Variants in SNX27 observed in about 807,000 individuals in gnomAD.
SNX27 encodes the protein sorting nexin 27.
SNX27 carries 22 observed loss-of-function variants against 71.6 expected under a neutral mutation model. That is an observed-to-expected ratio of 0.31 (90% CI 0.22 to 0.44). The LOEUF (loss-of-function observed/expected upper bound fraction) is 0.44. Among genes scored for constraint, SNX27 ranks in the 20% least tolerant of loss-of-function variants. The probability of loss-of-function intolerance (pLI) is 1.00; values close to 1 mark genes in which losing one functional copy is unlikely to be tolerated. For synonymous variants in SNX27, 269 were observed against 277.2 expected (o/e 0.97, Z 0.29); for missense variants, 531 against 698.6 (o/e 0.76, Z 2.70).
chr1:151,649,002 G>T (rs962168229), intron 2 of SNX27, among the ~76,000 whole-genome samples: 4 of 150,824 alleles, frequency 2.7e-5, no homozygotes, highest in Non-Finnish European at 4.4e-5. Flanking sequence ...TTGCTCTGTT[G>T]CCCAGGCTGG....
chr1:151,641,610 T>G (rs1313266779), intron 2 of SNX27, among the ~76,000 whole-genome samples: 2 of 125,938 alleles, frequency 1.6e-5, no homozygotes, highest in Non-Finnish European at 3.1e-5. Flanking sequence ...TATATATATA[T>G]ATATATATAT....
At chr1:151,674,259 T>C (rs1670567701) in intron 7 of SNX27, among the ~76,000 whole-genome samples, 1 of 152,210 alleles carries the variant, frequency 6.6e-6, no homozygotes. Context: ...TACTCTCTTG[T>C]AATCTGTTAT....
At chr1:151,693,657 T>C (rs1671567102) in intron 11 of SNX27, 174 bp downstream of exon 11, 2 of 1,612,976 alleles carry the variant, frequency 1.2e-6, no homozygotes, top group East Asian at 2.2e-5. Context: ...GGTTGGCCTC[T>C]GGATGGTGAA....
Position 151,683,409 on chromosome 1 carries a change from A to C in SNX27, c.1203A>C (p.Gln401His), listed in dbSNP as rs1671055446. 1 of 1,613,856 alleles carries C rather than the reference A, an allele frequency of 6.2e-7. No homozygotes were observed. The highest frequency in any genetic ancestry group is 1.1e-5 in the South Asian group (1 of 91,044). The change falls in exon 8 of 12, where the codon CAA (glutamine) becomes CAC (histidine). Residue 401 changes from glutamine to histidine, a missense_variant. Physicochemically the swap from Gln to His is conservative, Grantham distance 24. Coordinates refer to ENST00000458013, the MANE Select transcript of SNX27 (RefSeq NM_001330723.2). ...GYIKAEEKSY[Q>H]LQKLYEQRKM... The stretch of plus-strand genomic sequence containing the variant: ...TCAAAGCAGAAGAAAAGTCCTATCA[A>C]TTACAGAAGCTATACGAACAAAGAA...
chr1:151,650,609 T>G (rs1026055560), intron 2 of SNX27, among the ~76,000 whole-genome samples: 1 of 152,248 alleles, frequency 6.6e-6, no homozygotes, highest in Admixed American at 6.5e-5. Flanking sequence ...TTTTTAAAAT[T>G]TATTTATTTT....
intron 7 of SNX27, among the ~76,000 whole-genome samples, chr1:151,669,537 G>A (rs1256049851): frequency 6.6e-6 from 1 of 152,146 alleles, no homozygotes; most frequent in East Asian, 1.9e-4. Flanking sequence ...ACTTTCTGAA[G>A]AAATCTCCTG....
At chr1:151,689,653 T>C (rs879915693) in intron 8 of SNX27, among the ~76,000 whole-genome samples, 10 of 152,204 alleles carry the variant, frequency 6.6e-5, no homozygotes, top group Admixed American at 1.3e-4. Context: ...TTAAAGGACA[T>C]GAGTAGTACT....
chr1:151,612,174 G>A lies in SNX27; in HGVS notation c.-28G>A. 1 of 1,325,282 alleles carries A rather than the reference G, an allele frequency of 7.5e-7. No individual in the cohort carries two copies. 82.1% of individuals were successfully genotyped at this position (1,325,282 alleles called of 1,614,324 possible). A position where few individuals can be genotyped will look rare whatever the true frequency, so the allele number is the denominator to read the frequency against. On this transcript the variant is annotated 5_prime_UTR_variant, in exon 1 of 12. Coordinates refer to ENST00000458013, the MANE Select transcript of SNX27 (RefSeq NM_001330723.2). This position sits in a 1 kb window ranked among gnomAD's most constrained non-coding sequence, Gnocchi z 5.2. The stretch of plus-strand genomic sequence containing the variant: ...CCGGGAGGCCTTGGAGGCGTAGGGG[G>A]CGGGGGTACGGCTCGCCTGCTCGCA...
rs931920730 is a variant in SNX27 at position 151,694,128 on chromosome 1, A to G, written c.1579-242A>G. 72 of 1,282,184 alleles carry G rather than the reference A, an allele frequency of 5.6e-5. No homozygotes were observed. In the East Asian group the frequency reaches 1.9e-3, roughly 34 times the overall value. The allele number at this position is 1,282,184 out of a possible 1,614,324, so 79.4% of individuals were successfully genotyped here. The stretch of plus-strand genomic sequence containing the variant: ...TTTCCCTCTGTGTAATTTTGGGTAA[A>G]TCAGCCTCCCTAGCTTTCAGTTTTC... On this transcript the variant is annotated intron_variant, in intron 11 of 11. Coordinates refer to ENST00000458013, the MANE Select transcript of SNX27 (RefSeq NM_001330723.2).
At position 151,632,912 on chromosome 1, in the gene SNX27, C is replaced by T. The variant is rs983898350; in HGVS notation, c.312-5976C>T. Among the ~76,000 whole-genome samples the T allele has an allele frequency of 2.6e-5, 4 of 151,950 alleles. No homozygotes were observed. The East Asian group carries it at 7.7e-4, about 29-fold the overall frequency. The stretch of plus-strand genomic sequence containing the variant: ...TTTGAGACGGAGTCTGGCTCTGTCG[C>T]CCAGGCTGGAGTGCAGTGGCACAAT... On this transcript the variant is annotated intron_variant, in intron 1 of 11. Coordinates refer to ENST00000458013, the MANE Select transcript of SNX27 (RefSeq NM_001330723.2).
chr1:151,619,954 A>G (rs1253985004), intron 1 of SNX27, among the ~76,000 whole-genome samples: 2 of 152,184 alleles, frequency 1.3e-5, no homozygotes, highest in Non-Finnish European at 2.9e-5. Flanking sequence ...AGCACAATCG[A>G]AGTATAGAGG....
chr1:151,618,073 C>T (rs535391203), intron 1 of SNX27, among the ~76,000 whole-genome samples: 1 of 150,838 alleles, frequency 6.6e-6, no homozygotes, highest in Admixed American at 6.6e-5. Flanking sequence ...GCCATGTTGC[C>T]CAGTGTGGTC....
intron 1 of SNX27, among the ~76,000 whole-genome samples, chr1:151,635,716 C>G (rs1408548523): frequency 6.6e-6 from 1 of 152,072 alleles, no homozygotes; most frequent in Non-Finnish European, 1.5e-5. Flanking sequence ...TATAGCATTC[C>G]TTCTATAGTT....
chr1:151,627,504 C>T (rs1191318536), intron 1 of SNX27, among the ~76,000 whole-genome samples: 6 of 152,160 alleles, frequency 3.9e-5, no homozygotes, highest in Non-Finnish European at 8.8e-5. Context: ...GTTAGGTTCT[C>T]TTGTCACAGT....
At chr1:151,670,673 T>C (rs866388146) in intron 7 of SNX27, among the ~76,000 whole-genome samples, 9 of 152,334 alleles carry the variant, frequency 5.9e-5, no homozygotes, top group African/African-American at 2.2e-4. Flanking sequence ...CCTTATATAT[T>C]CTGATTATTA....
intron 1 of SNX27, among the ~76,000 whole-genome samples, chr1:151,620,463 G>A (rs1260489934): frequency 2.0e-5 from 3 of 152,170 alleles, no homozygotes; most frequent in Non-Finnish European, 4.4e-5. Context: ...ACTAAGCTCT[G>A]ACACCCAGAA....
chr1:151,683,558 A>T (rs1671062931), intron 8 of SNX27, 113 bp downstream of exon 8: 1 of 703,336 alleles, frequency 1.4e-6, no homozygotes, highest in Non-Finnish European at 2.3e-6. Flanking sequence ...AACTAATTTT[A>T]AAAAAGGAGG....
chr1:151,624,406 ATT>A (rs1491161125), intron 1 of SNX27, among the ~76,000 whole-genome samples: 2 of 83,656 alleles, frequency 2.4e-5, no homozygotes, highest in African/African-American at 4.2e-5. Context: ...GAATAGCTTG[ATT>A]TTATATATAT....
At chr1:151,656,108 AG>A (rs1442748580) in intron 2 of SNX27, among the ~76,000 whole-genome samples, 2 of 151,858 alleles carry the variant, frequency 1.3e-5, no homozygotes, top group Middle Eastern at 3.4e-3. Flanking sequence ...CTGTAGTCTC[AG>A]CTACTTGGGA....
Sources: allele counts gnomAD v4.1 joint callset (sites outside exome capture counted in the v4.1 genomes callset), GRCh38; gene constraint gnomAD v4.1.1; non-coding constraint Gnocchi (gnomAD v3.1); transcripts MANE v1.5; gene names NCBI Gene and HGNC (gene_info 2026-07-23, HGNC 2026-07-21).